HTR1E: variants seen among roughly 807,000 people sequenced by gnomAD.
HTR1E encodes the protein 5-hydroxytryptamine receptor 1E, also known as 5-HT-1E.
Under a neutral mutation model 3.4 loss-of-function variants are expected in HTR1E, and 3 were observed. The ratio of observed to expected loss-of-function variants is 0.89; its 90% CI spans 0.41 to 2.31. The LOEUF is 2.31. Ranked by LOEUF, HTR1E falls within the 30% of genes most tolerant of loss-of-function variation. HTR1E has a pLI of 0.05. For missense variants in HTR1E, 392 were observed against 467.0 expected (o/e 0.84, Z 1.48); for synonymous variants, 170 against 182.8 (o/e 0.93, Z 0.56).
At chr6:86,994,098 A>G (rs1043807223) in intron 1 of HTR1E, among the ~76,000 whole-genome samples, 5 of 152,210 alleles carry the variant, frequency 3.3e-5, no homozygotes, top group African/African-American at 1.2e-4. Context: ...AATGACAGAA[A>G]TAAAATAAAC....
chr6:87,002,643 C>T (rs1768042234), intron 1 of HTR1E, among the ~76,000 whole-genome samples: 1 of 152,216 alleles, frequency 6.6e-6, no homozygotes, highest in South Asian at 2.1e-4. Context: ...TAGCTAGACA[C>T]AGAGTGCTGA....
intron 1 of HTR1E, among the ~76,000 whole-genome samples, chr6:87,012,130 G>A (rs1042639171): frequency 1.7e-4 from 26 of 152,142 alleles, no homozygotes; most frequent in African/African-American, 6.3e-4. Context: ...TGTAGGAGTG[G>A]GGGACAGTAA....
intron 1 of HTR1E, among the ~76,000 whole-genome samples, chr6:87,014,362 T>G (rs1006599397): frequency 6.6e-6 from 1 of 150,904 alleles, no homozygotes; most frequent in African/African-American, 2.4e-5. Context: ...TTGGTGGGAG[T>G]GTAAATTAGA....
Position 87,015,372 on chromosome 6 carries a change from C to G in HTR1E, c.38C>G (p.Ala13Gly). ...ITNCTTEASM[A>G]IRPKTITEKM... is the part of the protein sequence containing the mutation. ...AACTGTACCACAGAGGCCAGCATGG[C>G]TATAAGACCCAAGACCATCACTGAG... is the stretch of plus-strand genomic sequence containing the variant. Residue 13 changes from alanine (A) to glycine (G), a missense_variant, in exon 2 of 2, where the codon GCT becomes GGT. Ala to Gly is a moderately conservative substitution (Grantham distance 60). Transcript: ENST00000305344. The G allele has an allele frequency of 6.3e-7, 1 of 1,597,724 alleles. No homozygotes were observed. The highest frequency in any genetic ancestry group is 8.5e-7 in the Non-Finnish European group (1 of 1,169,774).
At chr6:87,010,450 C>T (rs1174649722) in intron 1 of HTR1E, among the ~76,000 whole-genome samples, 70 of 148,588 alleles carry the variant, frequency 4.7e-4, no homozygotes, top group South Asian at 1.1e-3. Context: ...CGGGCAGAGA[C>T]GCTCCTCACC....
chr6:86,981,719 A>G (rs993500955), intron 1 of HTR1E, among the ~76,000 whole-genome samples: 1 of 152,218 alleles, frequency 6.6e-6, no homozygotes, highest in African/African-American at 2.4e-5. Context: ...TGTGTATTAC[A>G]TATATTGTTT....
At position 87,001,448 on chromosome 6, in the gene HTR1E, TGTCTAG is replaced by T. The variant is rs1401686974; in HGVS notation, c.-185-13698_-185-13693del. 2.0e-5 allele frequency among the ~76,000 whole-genome samples: 3 copies of T among 152,204 alleles called. No homozygotes were observed. In the East Asian group the frequency reaches 5.8e-4, roughly 29 times the overall value. ...TTTGTTACTGAAACACCAGGGCTTC[TGTCTAG>T]GTCCTGCTGCTTGCCACAGAGAAAG... is the stretch of plus-strand genomic sequence containing the variant. On this transcript the variant is annotated intron_variant, in intron 1 of 1. Transcript: ENST00000305344.
chr6:87,006,559 C>A (rs1262837268), intron 1 of HTR1E, among the ~76,000 whole-genome samples: 1 of 152,206 alleles, frequency 6.6e-6, no homozygotes, highest in Non-Finnish European at 1.5e-5. Flanking sequence ...TTTGACCCAG[C>A]AATCCCATTA....
At chr6:87,013,037 A>G (rs1355327746) in intron 1 of HTR1E, among the ~76,000 whole-genome samples, 1 of 152,034 alleles carries the variant, frequency 6.6e-6, no homozygotes, top group Non-Finnish European at 1.5e-5. Context: ...AAAATATAAA[A>G]CCCTCTTTAA....
At position 87,009,730 on chromosome 6, in the gene HTR1E, G is replaced by A. The variant is rs559511409; in HGVS notation, c.-185-5420G>A. Among the ~76,000 whole-genome samples the A allele has an allele frequency of 9.7e-5, 14 of 144,576 alleles. No individual in the cohort carries two copies. The East Asian group carries it at 1.4e-3, about 14-fold the overall frequency. 94.8% of individuals were successfully genotyped at this position (144,576 alleles called of 152,430 possible). A position where few individuals can be genotyped will look rare whatever the true frequency, so the allele number is the denominator to read the frequency against. ...TCCCTCCCGGACAGGGCGGCTGGCCGGGCAGAGGGGCTCCTCACTTCCCAG... is the reference window on the plus strand; with the variant it reads ...TCCCTCCCGGACAGGGCGGCTGGCCAGGCAGAGGGGCTCCTCACTTCCCAG... On this transcript the variant is annotated intron_variant, in intron 1 of 1. Coordinates refer to ENST00000305344, the MANE Select transcript of HTR1E (RefSeq NM_000865.3).
intron 1 of HTR1E, among the ~76,000 whole-genome samples, chr6:86,941,561 T>C (rs1768546496): frequency 6.6e-6 from 1 of 152,174 alleles, no homozygotes. Flanking sequence ...AGTTGTAGGA[T>C]TAGGAAGACA....
chr6:86,962,562 G>A (rs116264791), intron 1 of HTR1E, among the ~76,000 whole-genome samples: 2,372 of 152,338 alleles, frequency 0.016, 63 homozygotes, highest in African/African-American at 0.053. Flanking sequence ...CACAGGCTGG[G>A]TGCTGTGGCT....
chr6:86,999,361 G>C (rs76334475), intron 1 of HTR1E, among the ~76,000 whole-genome samples: 11 of 152,042 alleles, frequency 7.2e-5, no homozygotes, highest in African/African-American at 2.7e-4. Flanking sequence ...AATTAAAAAT[G>C]AGGTTAAAGT....
chr6:87,001,339 T>C (rs1376827337), intron 1 of HTR1E, among the ~76,000 whole-genome samples: 1 of 152,178 alleles, frequency 6.6e-6, no homozygotes, highest in African/African-American at 2.4e-5. Context: ...GTAAATGGAC[T>C]AAACTCTCTA....
intron 1 of HTR1E, among the ~76,000 whole-genome samples, chr6:86,973,383 G>A (rs1304685118): frequency 1.3e-5 from 2 of 151,680 alleles, no homozygotes; most frequent in African/African-American, 4.8e-5. Context: ...TAAGTCTGAG[G>A]CTGACAGGGA....
intron 1 of HTR1E, among the ~76,000 whole-genome samples, chr6:86,977,171 GC>G: frequency 6.6e-6 from 1 of 152,152 alleles, no homozygotes; most frequent in African/African-American, 2.4e-5. Context: ...TAGTTTTTCA[GC>G]CCATGCCCCC....
intron 1 of HTR1E, among the ~76,000 whole-genome samples, chr6:86,941,334 T>C (rs1768542110): frequency 6.6e-6 from 1 of 152,266 alleles, no homozygotes; most frequent in South Asian, 2.1e-4. Flanking sequence ...ACCCTCTTTC[T>C]AATACAGATT....
intron 1 of HTR1E, among the ~76,000 whole-genome samples, chr6:86,948,385 A>G (rs1278548530): frequency 6.6e-6 from 1 of 152,152 alleles, no homozygotes; most frequent in Non-Finnish European, 1.5e-5. Flanking sequence ...TTATACTGTA[A>G]AATTATAGCA....
chr6:86,952,838 A>C (rs1376881587), intron 1 of HTR1E, among the ~76,000 whole-genome samples: 1 of 152,204 alleles, frequency 6.6e-6, no homozygotes, highest in Non-Finnish European at 1.5e-5. Context: ...CACTCAAAAA[A>C]TGATTACAAG....
Sources: gnomAD v4.1 joint callset for allele counts (sites outside exome capture counted in the v4.1 genomes callset) on GRCh38, gnomAD v4.1.1 for gene constraint, MANE v1.5 for transcripts, NCBI Gene and HGNC (gene_info 2026-07-23, HGNC 2026-07-21) for gene names.